ADCY2: variants seen among roughly 807,000 people sequenced by gnomAD.
ADCY2 encodes adenylate cyclase type 2.
ADCY2 carries 31 observed loss-of-function variants against 125.2 expected under a neutral mutation model. That is an observed-to-expected ratio of 0.25 (90% CI 0.19 to 0.33). ADCY2 has a LOEUF of 0.33. Ranked by LOEUF, ADCY2 falls within the 10% of genes least tolerant of loss-of-function variation. The pLI is 1.00. For missense variants in ADCY2, 904 were observed against 1,418.2 expected, an observed-to-expected ratio of 0.64 and a Z score of 5.82; for synonymous variants, 512 against 548.4, an observed-to-expected ratio of 0.93 and a Z score of 0.93.
rs191547555 is a variant in ADCY2 at position 7,613,539 on chromosome 5, T to A, written c.571-12628T>A. ...GCATTTCTAACCAACTGACTACAAATTCCAATTTCCATGACCTCCCCTGGC... is the reference window on the plus strand; with the variant it reads ...GCATTTCTAACCAACTGACTACAAAATCCAATTTCCATGACCTCCCCTGGC... On this transcript the variant is annotated intron_variant, in intron 3 of 24. Coordinates refer to ENST00000338316, the MANE Select transcript of ADCY2 (RefSeq NM_020546.3). 3.0e-3 allele frequency among the ~76,000 whole-genome samples: 460 copies of A among 152,312 alleles called. 1 individual carries two copies. Among genetic ancestry groups the A allele is most frequent in the Admixed American group, 5.7e-3 (87 of 15,304 alleles).
intron 3 of ADCY2, among the ~76,000 whole-genome samples, chr5:7,528,202 C>T (rs779727990): frequency 9.9e-5 from 15 of 152,186 alleles, no homozygotes; most frequent in Non-Finnish European, 4.4e-5. Flanking sequence ...AATCTAAATG[C>T]ATTTCTCACC....
intron 4 of ADCY2, among the ~76,000 whole-genome samples, chr5:7,680,393 G>C (rs1485219580): frequency 6.6e-6 from 1 of 152,216 alleles, no homozygotes; most frequent in African/African-American, 2.4e-5. Flanking sequence ...TAGAGTATAG[G>C]CAGATGTGGT....
At chr5:7,602,383 T>A (rs1737242002) in intron 3 of ADCY2, among the ~76,000 whole-genome samples, 1 of 152,182 alleles carries the variant, frequency 6.6e-6, no homozygotes, top group South Asian at 2.1e-4. Flanking sequence ...TCTATGGCTC[T>A]TTCTTGAATG....
chr5:7,482,789 TATAC>T (rs1443976669), intron 2 of ADCY2, among the ~76,000 whole-genome samples: 13 of 143,244 alleles, frequency 9.1e-5, no homozygotes, highest in African/African-American at 2.4e-4. Context: ...TATATATATA[TATAC>T]ACACACACAT....
chr5:7,608,095 A>G (rs1315124957), intron 3 of ADCY2, among the ~76,000 whole-genome samples: 2 of 152,224 alleles, frequency 1.3e-5, no homozygotes, highest in East Asian at 3.8e-4. Flanking sequence ...GAATTAATTA[A>G]TTACAGGCAC....
intron 17 of ADCY2, among the ~76,000 whole-genome samples, chr5:7,770,992 T>C (rs919471555): frequency 2.0e-5 from 3 of 152,214 alleles, no homozygotes; most frequent in African/African-American, 7.2e-5. Context: ...AAGCTCACTC[T>C]GCCAAGTTTC....
chr5:7,530,199 G>T (rs1280570715), intron 3 of ADCY2, among the ~76,000 whole-genome samples: 1 of 152,184 alleles, frequency 6.6e-6, no homozygotes, highest in African/African-American at 2.4e-5. Context: ...CTAATCTGGT[G>T]CTTAGCCATC....
rs904036990 is a variant in ADCY2, at chr5:7,588,810, C to A, written c.571-37357C>A. Among the ~76,000 whole-genome samples the A allele has an allele frequency of 2.0e-5, 3 of 152,288 alleles. No individual in the cohort carries two copies. In the Middle Eastern group the frequency reaches 0.01, roughly 518 times the overall value. The stretch of plus-strand genomic sequence containing the variant: ...AGCTCTTGGGCTGTACAAAAACAAG[C>A]TGCAGGACTGATTTGGCCTGCAGTT... On this transcript the variant is annotated intron_variant, in intron 3 of 24. Coordinates refer to ENST00000338316, the MANE Select transcript of ADCY2 (RefSeq NM_020546.3).
At chr5:7,751,351 T>C (rs1430744102) in intron 15 of ADCY2, among the ~76,000 whole-genome samples, 1 of 152,180 alleles carries the variant, frequency 6.6e-6, no homozygotes, top group African/African-American at 2.4e-5. Flanking sequence ...TGATTCTTCC[T>C]CATATGGTCC....
chr5:7,580,840 A>G (rs540113363), intron 3 of ADCY2, among the ~76,000 whole-genome samples: 15 of 152,380 alleles, frequency 9.8e-5, no homozygotes, highest in African/African-American at 3.6e-4. Context: ...GAAAACTGAC[A>G]GATCGAAGGG....
At chr5:7,472,179 C>G (rs1230777734) in intron 2 of ADCY2, among the ~76,000 whole-genome samples, 1 of 152,054 alleles carries the variant, frequency 6.6e-6, no homozygotes, top group Non-Finnish European at 1.5e-5. Context: ...GGTATTGTTG[C>G]ACAACTCTGG....
At chr5:7,485,175 C>T (rs867877146) in intron 2 of ADCY2, among the ~76,000 whole-genome samples, 6 of 152,098 alleles carry the variant, frequency 3.9e-5, no homozygotes, top group African/African-American at 1.4e-4. Context: ...TTTCTCCCTC[C>T]GAAACTTGAA....
intron 10 of ADCY2, among the ~76,000 whole-genome samples, chr5:7,712,281 T>C (rs1406151948): frequency 6.6e-6 from 1 of 152,222 alleles, no homozygotes; most frequent in Non-Finnish European, 1.5e-5. Context: ...TGACAGTGGC[T>C]TTTCCACTTA....
chr5:7,482,789 T>TATATATATATATATAC (rs1241879068), intron 2 of ADCY2, among the ~76,000 whole-genome samples: 1 of 143,248 alleles, frequency 7.0e-6, no homozygotes, highest in Admixed American at 7.0e-5. Context: ...TATATATATA[T>TATATATATATATATAC]ATACACACAC....
intron 3 of ADCY2, among the ~76,000 whole-genome samples, chr5:7,556,214 A>G (rs1735502601): frequency 6.6e-6 from 1 of 152,162 alleles, no homozygotes; most frequent in Non-Finnish European, 1.5e-5. Context: ...ATTTTTACAC[A>G]TATTGATTGC....
chr5:7,758,665 A>T (rs1457267734), intron 16 of ADCY2, among the ~76,000 whole-genome samples: 1 of 152,126 alleles, frequency 6.6e-6, no homozygotes, highest in Non-Finnish European at 1.5e-5. Flanking sequence ...CAGCTGGGTA[A>T]CCTCATCATC....
At chr5:7,644,484 G>T (rs113530033) in intron 4 of ADCY2, among the ~76,000 whole-genome samples, 9 of 152,164 alleles carry the variant, frequency 5.9e-5, no homozygotes, top group African/African-American at 2.2e-4. Flanking sequence ...CCATATTTAT[G>T]TTGGCCAGCT....
intron 23 of ADCY2, among the ~76,000 whole-genome samples, chr5:7,818,765 C>T (rs1055659772): frequency 1.3e-5 from 2 of 148,766 alleles, no homozygotes; most frequent in African/African-American, 5.0e-5. Flanking sequence ...ATGGGCGTGT[C>T]CCTTTGACCC....
At chr5:7,601,092 G>A (rs1229282895) in intron 3 of ADCY2, among the ~76,000 whole-genome samples, 1 of 152,078 alleles carries the variant, frequency 6.6e-6, no homozygotes, top group Non-Finnish European at 1.5e-5. Flanking sequence ...AGCCTTCAGT[G>A]GATGATGTTG....
Sources: gnomAD v4.1 joint callset for allele counts (sites outside exome capture counted in the v4.1 genomes callset) on GRCh38, gnomAD v4.1.1 for gene constraint, MANE v1.5 for transcripts, NCBI Gene and HGNC (gene_info 2026-07-23, HGNC 2026-07-21) for gene names.